The following ACSM6 variants were observed in gnomAD, a reference collection of about 807,000 sequenced individuals.
The protein encoded by ACSM6 is acyl-CoA synthetase medium chain family member 6.
In ACSM6, 35 loss-of-function variants were observed where a neutral mutation model predicts 51.1. The ratio of observed to expected loss-of-function variants is 0.69; its 90% confidence interval spans 0.52 to 0.91. The LOEUF (loss-of-function observed/expected upper bound fraction) is 0.91. ACSM6 is among the 40% of genes least tolerant of loss of function. ACSM6 has a pLI of 0.00. For missense variants in ACSM6, 509 were observed against 584.1 expected (o/e 0.87, Z 1.32); for synonymous variants, 172 against 207.3 (o/e 0.83, Z 1.46).
At chr10:95,205,089 C>A (rs1173063053) in intron 3 of ACSM6, among the ~76,000 whole-genome samples, 2 of 152,150 alleles carry the variant, frequency 1.3e-5, no homozygotes, top group Non-Finnish European at 2.9e-5. Flanking sequence ...AATTACTCAA[C>A]ATGATAAAGT....
At chr10:95,217,670 C>A (rs959141595) in intron 8 of ACSM6, among the ~76,000 whole-genome samples, 17 of 152,150 alleles carry the variant, frequency 1.1e-4, no homozygotes, top group African/African-American at 4.1e-4. Flanking sequence ...AAAAAAAATT[C>A]TTTGGTGACT....
At chr10:95,223,972 C>A (rs1564592348) in intron 9 of ACSM6, among the ~76,000 whole-genome samples, 1 of 151,776 alleles carries the variant, frequency 6.6e-6, no homozygotes. Flanking sequence ...GATCAATATA[C>A]AAAAAATTAT....
chr10:95,202,793 A>G (rs998446112), intron 3 of ACSM6, among the ~76,000 whole-genome samples: 1 of 151,996 alleles, frequency 6.6e-6, no homozygotes, highest in Admixed American at 6.6e-5. Flanking sequence ...AAAAAAAATT[A>G]GCTGCATGTG....
intron 4 of ACSM6, among the ~76,000 whole-genome samples, chr10:95,208,933 T>TAAAAAAAAAAA (rs34370150): frequency 2.9e-4 from 10 of 33,924 alleles, no homozygotes; most frequent in Admixed American, 5.5e-4. Flanking sequence ...CAGGGATGTT[T>TAAAAAAAAAAA]AAAAAAAAAA....
rs151326227 is a variant in ACSM6 at position 95,201,293 on chromosome 10, T to C, written c.193-692T>C. 2.6e-4 allele frequency: 95 copies of C among 365,030 alleles called. No homozygotes were observed. In the East Asian group the frequency reaches 6.4e-3, roughly 25 times the overall value. The allele number at this position is 365,030 out of a possible 1,614,324, so 22.6% of individuals were successfully genotyped here. A position where few individuals can be genotyped will look rare whatever the true frequency, so the allele number is the denominator to read the frequency against. On this transcript the variant is annotated intron_variant, in intron 2 of 10. Coordinates refer to ENST00000341686, the Ensembl canonical transcript of ACSM6. ...CCCAAACAGTGACCATAGTACCAAA[T>C]AGGTAATTTTGCAAACTTCACTCCC...
At chr10:95,207,244 C>T in exon 4 of ACSM6, 2 of 1,614,084 alleles carry the variant, frequency 1.2e-6, no homozygotes, top group Non-Finnish European at 1.7e-6. Flanking sequence ...CAGCTGACTG[C>T]CAAGAAAATT....
chr10:95,210,926 C>A, intron 5 of ACSM6, 133 bp downstream of exon 5: 1 of 1,114,784 alleles, frequency 9.0e-7, no homozygotes, highest in Non-Finnish European at 1.2e-6. Flanking sequence ...AGAGAAGGAA[C>A]AGGGCTGAGG....
At chr10:95,197,940 G>A (rs868192032) in intron 2 of ACSM6, among the ~76,000 whole-genome samples, 5 of 152,232 alleles carry the variant, frequency 3.3e-5, no homozygotes, top group Admixed American at 6.5e-5. Context: ...AGAGAATGGC[G>A]ATGACTTTTA....
At chr10:95,214,632 G>A (rs917637477) in intron 7 of ACSM6, among the ~76,000 whole-genome samples, 3 of 152,152 alleles carry the variant, frequency 2.0e-5, no homozygotes, top group Non-Finnish European at 4.4e-5. Flanking sequence ...CATTAATGCC[G>A]CTTGTCCAGA....
chr10:95,197,833 T>A (rs1204635456), intron 2 of ACSM6, among the ~76,000 whole-genome samples: 2 of 152,240 alleles, frequency 1.3e-5, no homozygotes, highest in African/African-American at 4.8e-5. Flanking sequence ...TATTTCAGAC[T>A]ATCACATGGG....
In ACSM6 at chr10:95,197,522, A is replaced by G. The variant is rs146846012; in HGVS notation, c.192+2845A>G. ...GGTACTATGCCTGGATGTGCACATA[A>G]GCCAGATTTATGTTTCTCTCCACCC... On this transcript the variant is annotated intron_variant, in intron 2 of 10. Coordinates refer to ENST00000341686, the Ensembl canonical transcript of ACSM6. 5.7e-3 allele frequency among the ~76,000 whole-genome samples: 859 copies of G among 151,968 alleles called. 14 individuals are homozygous for G. The East Asian group carries it at 0.075, about 13-fold the overall frequency.
chr10:95,227,089 C>A (rs563787629), intron 10 of ACSM6, among the ~76,000 whole-genome samples: 1 of 151,722 alleles, frequency 6.6e-6, no homozygotes, highest in Admixed American at 6.6e-5. Context: ...CGGGTTCAAG[C>A]GATTCTACTG....
At chr10:95,224,650 T>G (rs1276086117) in intron 9 of ACSM6, among the ~76,000 whole-genome samples, 1 of 152,210 alleles carries the variant, frequency 6.6e-6, no homozygotes, top group Admixed American at 6.5e-5. Flanking sequence ...TCTGCCCACC[T>G]CGGCCTCCCA....
At chr10:95,211,027 G>A (rs1312525276) in intron 5 of ACSM6, among the ~76,000 whole-genome samples, 1 of 152,208 alleles carries the variant, frequency 6.6e-6, no homozygotes, top group Non-Finnish European at 1.5e-5. Flanking sequence ...CCATGCAGTA[G>A]GTGAGGGATC....
chr10:95,201,519 G>A (rs770690446), intron 2 of ACSM6: 13 of 455,788 alleles, frequency 2.9e-5, no homozygotes, highest in South Asian at 2.0e-4. Context: ...AATATTCCAT[G>A]TTGTATGTAT....
intron 4 of ACSM6, among the ~76,000 whole-genome samples, 158 bp from the exon 5 acceptor site, chr10:95,210,492 G>C (rs1450313668): frequency 6.6e-6 from 1 of 152,110 alleles, no homozygotes; most frequent in Non-Finnish European, 1.5e-5. Context: ...AAAAATTTAA[G>C]GGAAAAATGG....
chr10:95,201,770 C>T (rs2034796298), intron 2 of ACSM6: 1 of 589,780 alleles, frequency 1.7e-6, no homozygotes, highest in South Asian at 1.9e-5. Flanking sequence ...CTTCCCTAGG[C>T]TCATGCCTGA....
intron 2 of ACSM6, among the ~76,000 whole-genome samples, chr10:95,196,568 A>G (rs1444237549): frequency 1.3e-5 from 2 of 152,356 alleles, no homozygotes; most frequent in African/African-American, 2.4e-5. Flanking sequence ...ATTTTCATAT[A>G]TATTTCTTTT....
At chr10:95,200,615 G>GAGAAGA (rs1554829171) in intron 2 of ACSM6, among the ~76,000 whole-genome samples, 7 of 148,436 alleles carry the variant, frequency 4.7e-5, no homozygotes, top group South Asian at 2.2e-4. Context: ...GAAGGAGAAG[G>GAGAAGA]AGAAGAAGAA....
Sources: allele counts gnomAD v4.1 joint callset (sites outside exome capture counted in the v4.1 genomes callset), GRCh38; gene constraint gnomAD v4.1.1; transcripts MANE v1.5; gene names NCBI Gene and HGNC (gene_info 2026-07-23, HGNC 2026-07-21).